The following LARP1B variants were observed in gnomAD, a reference collection of about 807,000 sequenced individuals.
The protein encoded by LARP1B is La ribonucleoprotein 1B.
LARP1B carries 76 observed loss-of-function variants against 114.2 expected under a neutral mutation model. That is an observed-to-expected ratio of 0.67 (90% CI 0.55 to 0.81). The LOEUF is 0.81. LARP1B is among the 30% of genes least tolerant of loss of function. The pLI is 0.00. For synonymous variants in LARP1B, 345 were observed against 348.0 expected (o/e 0.99, Z 0.10); for missense variants, 1,014 against 1,075.8 (o/e 0.94, Z 0.80).
chr4:128,063,559 C>T (rs1234876660), intron 1 of LARP1B, among the ~76,000 whole-genome samples: 1 of 151,116 alleles, frequency 6.6e-6, no homozygotes, highest in Non-Finnish European at 1.5e-5. Flanking sequence ...GCAGGTGGAT[C>T]ACCTGAGGTC....
chr4:128,173,791 C>A (rs1034794123), intron 12 of LARP1B, among the ~76,000 whole-genome samples: 2 of 152,130 alleles, frequency 1.3e-5, no homozygotes, highest in African/African-American at 4.8e-5. Context: ...TTGAAAATTA[C>A]TGCTCTAACC....
At chr4:128,166,970 C>CTCTATATA (rs1189451874) in intron 12 of LARP1B, among the ~76,000 whole-genome samples, 7 of 77,798 alleles carry the variant, frequency 9.0e-5, no homozygotes, top group African/African-American at 2.6e-4. Flanking sequence ...CTCTCTCTCT[C>CTCTATATA]TATATATATA....
intron 12 of LARP1B, among the ~76,000 whole-genome samples, chr4:128,176,233 A>C (rs1213392496): frequency 7.0e-6 from 1 of 142,182 alleles, no homozygotes; most frequent in African/African-American, 2.6e-5. Context: ...TTATATATAC[A>C]TTTATATAAA....
intron 11 of LARP1B, among the ~76,000 whole-genome samples, chr4:128,159,673 A>G (rs1737526259): frequency 6.6e-6 from 1 of 152,208 alleles, no homozygotes; most frequent in Non-Finnish European, 1.5e-5. Flanking sequence ...ATTAGGGTTC[A>G]TTCTTGTTCA....
intron 11 of LARP1B, among the ~76,000 whole-genome samples, chr4:128,159,582 A>G (rs910789676): frequency 2.0e-5 from 3 of 152,222 alleles, no homozygotes; most frequent in African/African-American, 7.2e-5. Flanking sequence ...TATTGTCAAC[A>G]TCCCCTACCA....
At chr4:128,203,454 A>T (rs1181460525) in intron 17 of LARP1B, among the ~76,000 whole-genome samples, 1 of 150,772 alleles carries the variant, frequency 6.6e-6, no homozygotes, top group Admixed American at 6.6e-5. Flanking sequence ...GCTCACTGCA[A>T]CCTCTGCCTC....
chr4:128,122,708 G>A (rs1264007998), intron 11 of LARP1B: 3 of 1,293,834 alleles, frequency 2.3e-6, no homozygotes, highest in Non-Finnish European at 2.9e-6. Context: ...GACTAAACTG[G>A]ATGATTATCT....
chr4:128,126,576 A>G (rs970395974), intron 11 of LARP1B, among the ~76,000 whole-genome samples: 4 of 152,214 alleles, frequency 2.6e-5, no homozygotes, highest in African/African-American at 9.6e-5. Context: ...AAAATTAAGA[A>G]CCAAATCAAT....
intron 11 of LARP1B, among the ~76,000 whole-genome samples, chr4:128,134,970 T>G (rs1228676035): frequency 6.6e-6 from 1 of 151,958 alleles, no homozygotes; most frequent in East Asian, 1.9e-4. Flanking sequence ...GGGTTGGTGG[T>G]GCATGCCTGT....
At chr4:128,175,424 G>T (rs1024890731) in intron 12 of LARP1B, among the ~76,000 whole-genome samples, 1 of 152,074 alleles carries the variant, frequency 6.6e-6, no homozygotes, top group Non-Finnish European at 1.5e-5. Context: ...AGCAGCTATT[G>T]ATGAATATTC....
At chr4:128,121,333 T>C (rs1490797779) in intron 10 of LARP1B, among the ~76,000 whole-genome samples, 3 of 152,236 alleles carry the variant, frequency 2.0e-5, no homozygotes, top group Non-Finnish European at 2.9e-5. Context: ...TATTTATTTT[T>C]TGAGACAGAG....
intron 5 of LARP1B, among the ~76,000 whole-genome samples, chr4:128,083,714 G>A (rs1379634999): frequency 6.8e-6 from 1 of 147,170 alleles, no homozygotes; most frequent in African/African-American, 2.5e-5. Context: ...GGCTGGCCCG[G>A]CAGAGGGGCT....
At chr4:128,105,900 AAAT>A (rs1005738504) in intron 8 of LARP1B, among the ~76,000 whole-genome samples, 3 of 152,302 alleles carry the variant, frequency 2.0e-5, no homozygotes, top group South Asian at 2.1e-4. Flanking sequence ...CAAAAAATAA[AAAT>A]AATAATAATA....
At chr4:128,174,484 A>C (rs2150589209) in intron 12 of LARP1B, among the ~76,000 whole-genome samples, 1 of 152,118 alleles carries the variant, frequency 6.6e-6, no homozygotes, top group South Asian at 2.1e-4. Context: ...TGAGATAATC[A>C]ACATACTCTA....
intron 9 of LARP1B, chr4:128,108,281 A>G: frequency 9.5e-7 from 1 of 1,050,020 alleles, no homozygotes; most frequent in Non-Finnish European, 1.1e-6. Context: ...TGAATAAAGC[A>G]GAAAAAGAGG....
intron 17 of LARP1B, among the ~76,000 whole-genome samples, chr4:128,203,883 T>C (rs1022991098): frequency 5.3e-5 from 8 of 152,302 alleles, no homozygotes; most frequent in African/African-American, 1.9e-4. Flanking sequence ...AGCCCATGAT[T>C]CAAATATAGT....
chr4:128,093,900 G>A (rs1220340372), intron 7 of LARP1B, among the ~76,000 whole-genome samples: 1 of 151,472 alleles, frequency 6.6e-6, no homozygotes, highest in Non-Finnish European at 1.5e-5. Context: ...TAGTAGAGAC[G>A]GGGTTTCATC....
At position 128,180,293 on chromosome 4, in the gene LARP1B, T is replaced by C. The variant is rs568529604; in HGVS notation, c.2003+781T>C. Among the ~76,000 whole-genome samples, 12 of 152,316 alleles carry C rather than the reference T, an allele frequency of 7.9e-5. No individual in the cohort carries two copies. The South Asian group carries it at 2.5e-3, about 32-fold the overall frequency. Reference sequence around the variant, plus strand: ...CATTTTGTGTTTATACTAGATATTTTCAGAATAATTAACTGATAGTTTTTC... The same window carrying C: ...CATTTTGTGTTTATACTAGATATTTCCAGAATAATTAACTGATAGTTTTTC... On this transcript the variant is annotated intron_variant, in intron 15 of 19. Coordinates refer to ENST00000326639, the MANE Select transcript of LARP1B (RefSeq NM_018078.4).
intron 5 of LARP1B, among the ~76,000 whole-genome samples, chr4:128,086,518 G>C (rs982453698): frequency 6.6e-6 from 1 of 151,804 alleles, no homozygotes; most frequent in East Asian, 1.9e-4. Context: ...TTGTAGAGAT[G>C]GGGTTTCCCC....
Sources: gnomAD v4.1 joint callset for allele counts (sites outside exome capture counted in the v4.1 genomes callset) on GRCh38, gnomAD v4.1.1 for gene constraint, MANE v1.5 for transcripts, NCBI Gene and HGNC (gene_info 2026-07-23, HGNC 2026-07-21) for gene names.